The following OPCML variants were observed in gnomAD, a reference collection of about 807,000 sequenced individuals.
OPCML encodes the protein opioid binding protein/cell adhesion molecule like.
OPCML carries 13 observed loss-of-function variants against 37.8 expected under a neutral mutation model. That is an observed-to-expected ratio of 0.34 (90% CI 0.22 to 0.55). OPCML has a LOEUF of 0.55. Ranked by LOEUF, OPCML falls within the 20% of genes least tolerant of loss-of-function variation. The probability of loss-of-function intolerance (pLI) is 0.91; values close to 1 mark genes in which losing one functional copy is unlikely to be tolerated. For synonymous variants in OPCML, 176 were observed against 168.8 expected (o/e 1.04, Z -0.33); for missense variants, 341 against 435.6 (o/e 0.78, Z 1.93).
At chr11:133,530,997 G>A (rs530562418) in intron 1 of OPCML, among the ~76,000 whole-genome samples, 4 of 152,228 alleles carry the variant, frequency 2.6e-5, no homozygotes, top group East Asian at 1.9e-4. Flanking sequence ...GGCAGGTAAG[G>A]TTTTAAAATC....
intron 3 of OPCML, among the ~76,000 whole-genome samples, chr11:132,647,049 A>G (rs1342960271): frequency 6.6e-6 from 1 of 152,250 alleles, no homozygotes; most frequent in Non-Finnish European, 1.5e-5. Flanking sequence ...CTGACCTGAC[A>G]CAGAAAGGAT....
chr11:133,499,833 T>C (rs1947869935), intron 1 of OPCML, among the ~76,000 whole-genome samples: 1 of 141,438 alleles, frequency 7.1e-6, no homozygotes, highest in Non-Finnish European at 1.5e-5. Context: ...CACATATATA[T>C]GTGTATGTAT....
chr11:133,087,239 A>T (rs1274886154), intron 1 of OPCML, among the ~76,000 whole-genome samples: 1 of 152,180 alleles, frequency 6.6e-6, no homozygotes, highest in Non-Finnish European at 1.5e-5. Flanking sequence ...TGATTTTTTT[A>T]AATAGCAGTT....
chr11:133,324,626 G>T (rs1279006375), intron 1 of OPCML, among the ~76,000 whole-genome samples: 1 of 152,210 alleles, frequency 6.6e-6, no homozygotes, highest in Non-Finnish European at 1.5e-5. Flanking sequence ...TGAGGGCAGT[G>T]GGACCTCCGG....
intron 1 of OPCML, among the ~76,000 whole-genome samples, chr11:133,089,240 G>A (rs1948867186): frequency 6.6e-6 from 1 of 152,090 alleles, no homozygotes; most frequent in Admixed American, 6.5e-5. Context: ...CTGGAAATAT[G>A]ACAAAAAAAC....
At chr11:132,584,853 G>A (rs1318920283) in intron 3 of OPCML, among the ~76,000 whole-genome samples, 1 of 152,192 alleles carries the variant, frequency 6.6e-6, no homozygotes, top group Non-Finnish European at 1.5e-5. Context: ...CACATGGTTA[G>A]ATAACATTTA....
chr11:132,630,526 A>ATGTGTGTGTG (rs140438717), intron 3 of OPCML, among the ~76,000 whole-genome samples: 23 of 148,978 alleles, frequency 1.5e-4, no homozygotes, highest in Admixed American at 4.7e-4. Context: ...AGGACACAAT[A>ATGTGTGTGTG]TGTGTGTGTG....
chr11:132,883,152 C>T (rs1414747883), intron 2 of OPCML, among the ~76,000 whole-genome samples: 2 of 152,132 alleles, frequency 1.3e-5, no homozygotes, highest in Admixed American at 6.5e-5. Context: ...GGATCTTATA[C>T]GCCTCATGCA....
chr11:133,178,415 TG>T (rs1937654353), intron 1 of OPCML, among the ~76,000 whole-genome samples: 1 of 152,106 alleles, frequency 6.6e-6, no homozygotes, highest in African/African-American at 2.4e-5. Flanking sequence ...TTCTGCGATC[TG>T]GAAGGTCACT....
chr11:132,495,591 G>A (rs201026991), intron 4 of OPCML, among the ~76,000 whole-genome samples: 2 of 152,206 alleles, frequency 1.3e-5, no homozygotes, highest in Non-Finnish European at 2.9e-5. Context: ...GTATAGAGTG[G>A]TTTAAAATGT....
intron 1 of OPCML, among the ~76,000 whole-genome samples, chr11:133,402,208 G>A (rs1052441179): frequency 5.9e-5 from 9 of 152,052 alleles, no homozygotes; most frequent in Non-Finnish European, 1.3e-4. Flanking sequence ...GCATCACAGG[G>A]TGGGGGATAG....
chr11:132,464,366 A>T (rs1262809415), intron 4 of OPCML, among the ~76,000 whole-genome samples: 4 of 152,014 alleles, frequency 2.6e-5, no homozygotes, highest in African/African-American at 7.3e-5. Flanking sequence ...CTGTATATGT[A>T]CTCGTGTATT....
intron 1 of OPCML, among the ~76,000 whole-genome samples, chr11:133,434,595 G>A (rs1287738478): frequency 6.6e-6 from 1 of 151,904 alleles, no homozygotes; most frequent in African/African-American, 2.4e-5. Context: ...AGCTGGGAAG[G>A]CCCAGGGCAC....
At chr11:132,454,922 G>A (rs2096077768) in intron 4 of OPCML, among the ~76,000 whole-genome samples, 1 of 152,166 alleles carries the variant, frequency 6.6e-6, no homozygotes, top group Non-Finnish European at 1.5e-5. Context: ...ACCCTGGACT[G>A]AATAAACATG....
chr11:133,522,109 C>T (rs1224663935), intron 1 of OPCML, among the ~76,000 whole-genome samples: 1 of 152,112 alleles, frequency 6.6e-6, no homozygotes, highest in African/African-American at 2.4e-5. Flanking sequence ...TGGCTCTTTC[C>T]CTTAGTAGCA....
intron 1 of OPCML, among the ~76,000 whole-genome samples, chr11:133,141,045 C>CGAAGAAGAAGAAGAAGAAGAAGAAGAA (rs1439158073): frequency 3.0e-4 from 1 of 3,362 alleles, no homozygotes; most frequent in African/African-American, 4.3e-4. Flanking sequence ...ACGACGACGA[C>CGAAGAAGAAGAAGAAGAAGAAGAAGAA]GACGAAGAAG....
At chr11:132,608,431 C>T (rs1938439786) in intron 3 of OPCML, among the ~76,000 whole-genome samples, 2 of 152,166 alleles carry the variant, frequency 1.3e-5, no homozygotes, top group African/African-American at 4.8e-5. Context: ...CAAACCCTGC[C>T]AGTGCAGCTT....
Position 132,641,348 on chromosome 11 carries a change from GCTGCCACTTTCA to G in OPCML, c.379+15727_379+15738del, listed in dbSNP as rs1940840756. Among the ~76,000 whole-genome samples, 3 of 152,276 alleles carry G rather than the reference GCTGCCACTTTCA, an allele frequency of 2.0e-5. No individual in the cohort carries two copies. The South Asian group carries it at 6.2e-4, about 32-fold the overall frequency. On this transcript the variant is annotated intron_variant, in intron 3 of 7. Transcript: ENST00000524381. ...CCTCCACCTCCTCTCCTTGCCCAGA[GCTGCCACTTTCA>G]CCTCTTAAGGCAGGTGCAAGAGATC... is the stretch of plus-strand genomic sequence containing the variant.
chr11:133,459,019 A>T (rs1946796140), intron 1 of OPCML, among the ~76,000 whole-genome samples: 1 of 152,074 alleles, frequency 6.6e-6, no homozygotes, highest in Admixed American at 6.6e-5. Flanking sequence ...AAAAAGAATT[A>T]TAAGTCTATG....
Sources: allele counts gnomAD v4.1 joint callset (sites outside exome capture counted in the v4.1 genomes callset), GRCh38; gene constraint gnomAD v4.1.1; transcripts MANE v1.5; gene names NCBI Gene and HGNC (gene_info 2026-07-23, HGNC 2026-07-21).